Variants in E2F5 observed in about 807,000 individuals in gnomAD.
E2F5 encodes the protein E2F transcription factor 5.
Under a neutral mutation model 39.1 loss-of-function variants are expected in E2F5, and 23 were observed. The ratio of observed to expected loss-of-function variants is 0.59; its 90% CI spans 0.42 to 0.83. The LOEUF is 0.83. Among genes scored for constraint, E2F5 ranks in the 40% least tolerant of loss-of-function variants. The probability of loss-of-function intolerance (pLI) is 0.00; values close to 1 mark genes in which losing one functional copy is unlikely to be tolerated. For missense variants in E2F5, 365 were observed against 406.7 expected (o/e 0.90, Z 0.88); for synonymous variants, 145 against 157.8 (o/e 0.92, Z 0.61).
chr8:85,193,026 T>C (rs4150896), intron 1 of E2F5, among the ~76,000 whole-genome samples: 7,100 of 152,316 alleles, frequency 0.047, 213 homozygotes, highest in Non-Finnish European at 0.058. Context: ...CATTGAAGTG[T>C]TTGTTGGGTA....
At chr8:85,207,356 C>T (rs1812820844) in intron 4 of E2F5, 69 bp from the exon 5 acceptor site, 1 of 1,353,780 alleles carries the variant, frequency 7.4e-7, no homozygotes, top group Middle Eastern at 2.1e-4. Context: ...TTCCAGAGCC[C>T]ACATTCTTGC....
At position 85,203,486 on chromosome 8, in the gene E2F5, A is replaced by G. The variant is rs1812736252; in HGVS notation, c.506+231A>G. 2.0e-5 allele frequency among the ~76,000 whole-genome samples: 3 copies of G among 152,204 alleles called. No homozygotes were observed. In the South Asian group the frequency reaches 6.2e-4, roughly 32 times the overall value. On this transcript the variant is annotated intron_variant, in intron 3 of 7. Transcript: ENST00000416274. Reference sequence around the variant, plus strand: ...TTCCTGTGTTGCACTGAGGGGGAAAAAGAGATTAGCCAACTTTTGGTCTAC... The same window carrying G: ...TTCCTGTGTTGCACTGAGGGGGAAAGAGAGATTAGCCAACTTTTGGTCTAC...
At chr8:85,211,091 G>C (rs1423839163) in intron 6 of E2F5, among the ~76,000 whole-genome samples, 2 of 151,900 alleles carry the variant, frequency 1.3e-5, no homozygotes, top group Middle Eastern at 3.2e-3. Flanking sequence ...GAACATTAGG[G>C]CTAAAACAAG....
At chr8:85,199,214 A>G (rs1042329450) in intron 1 of E2F5, among the ~76,000 whole-genome samples, 1 of 151,918 alleles carries the variant, frequency 6.6e-6, no homozygotes, top group African/African-American at 2.4e-5. Context: ...CTCTCCTTGA[A>G]GAAGCTAAGC....
chr8:85,201,129 C>T (rs1812689594), intron 1 of E2F5, among the ~76,000 whole-genome samples: 1 of 152,166 alleles, frequency 6.6e-6, no homozygotes, highest in Non-Finnish European at 1.5e-5. Flanking sequence ...GGGGGGAAGG[C>T]AGGTCCAGAT....
intron 4 of E2F5, 132 bp from the exon 5 acceptor site, chr8:85,207,293 T>A (rs535148034): frequency 2.0e-5 from 13 of 649,564 alleles, no homozygotes; most frequent in Non-Finnish European, 2.6e-5. Context: ...TTTTATAGAA[T>A]TGAAAATCAA....
In E2F5 at chr8:85,206,230, A is replaced by G. The variant is rs1812800954; in HGVS notation, c.550+10A>G. 1 of 1,611,466 alleles carries G rather than the reference A, an allele frequency of 6.2e-7. No individual in the cohort carries two copies. The highest frequency in any genetic ancestry group is 8.5e-7 in the Non-Finnish European group (1 of 1,178,672). On this transcript the variant is annotated intron_variant, in intron 4 of 7. Transcript: ENST00000416274. ...TGTAATTGCTTTAATGGTAAGTACC[A>G]TTAGACTTTTCCTTGCATTCTTCCT...
At position 85,209,240 on chromosome 8, in the gene E2F5, C is replaced by A; in HGVS notation, c.714C>A (p.Pro238=). 1 of 1,613,968 alleles carries A rather than the reference C, an allele frequency of 6.2e-7. No individual in the cohort carries two copies. Among genetic ancestry groups the A allele is most frequent in the Non-Finnish European group, 8.5e-7 (1 of 1,179,886 alleles). Residue 238 remains proline (P), a synonymous_variant, in exon 6 of 8, where the codon CCC becomes CCA. Transcript: ENST00000416274. ...ATAAAGAGTCGAGTTCATCTAAGCC[C>A]GTGGTTTTTCCTGTTCCCCCACCTG... ...LINKESSSSK[P]VVFPVPPPDD...
chr8:85,190,151 T>A (rs978590610), intron 1 of E2F5, among the ~76,000 whole-genome samples: 1 of 152,298 alleles, frequency 6.6e-6, no homozygotes, highest in Middle Eastern at 3.4e-3. Context: ...TCACTGACTG[T>A]CTTTCAGCAC....
intron 7 of E2F5, chr8:85,212,686 C>G (rs1812962180): frequency 6.6e-6 from 1 of 152,460 alleles, no homozygotes; most frequent in Admixed American, 6.5e-5. Context: ...TTCTCTCCTT[C>G]TGTAAGTTCT....
At chr8:85,177,748 T>C in intron 1 of E2F5, 94 bp downstream of exon 1, 5 of 1,143,166 alleles carry the variant, frequency 4.4e-6, no homozygotes, top group Non-Finnish European at 5.4e-6. Context: ...CGGCGTGGTG[T>C]AGACGCGCCT....
chr8:85,180,941 A>G (rs1812200133), intron 1 of E2F5, among the ~76,000 whole-genome samples: 1 of 151,188 alleles, frequency 6.6e-6, no homozygotes, highest in African/African-American at 2.4e-5. Context: ...GCAGTGGTAC[A>G]ATCTCAGCTC....
chr8:85,211,687 T>C lies in E2F5; in HGVS notation c.884-470T>C, dbSNP rs1352138006. ...TTTTTTTTTTGGCAGGGTCTCACTT[T>C]GTCAGCCAGGCTGGAATGCAGTGGC... On this transcript the variant is annotated intron_variant, in intron 6 of 7. Coordinates refer to ENST00000416274, the MANE Select transcript of E2F5 (RefSeq NM_001951.4). Among the ~76,000 whole-genome samples, 5 of 147,030 alleles carry C rather than the reference T, an allele frequency of 3.4e-5. No homozygotes were observed. The East Asian group carries it at 5.9e-4, about 17-fold the overall frequency.
chr8:85,206,420 A>G (rs1312095991), intron 4 of E2F5, among the ~76,000 whole-genome samples, 200 bp downstream of exon 4: 1 of 152,174 alleles, frequency 6.6e-6, no homozygotes, highest in Non-Finnish European at 1.5e-5. Context: ...CATTCAGTTC[A>G]TTAGCTCCAC....
At chr8:85,203,974 A>G (rs1237473448) in intron 3 of E2F5, among the ~76,000 whole-genome samples, 1 of 151,776 alleles carries the variant, frequency 6.6e-6, no homozygotes, top group Non-Finnish European at 1.5e-5. Context: ...GTACTCTTAA[A>G]GAAACTAACC....
intron 1 of E2F5, among the ~76,000 whole-genome samples, chr8:85,199,206 C>G (rs1007053780): frequency 6.6e-6 from 1 of 152,030 alleles, no homozygotes; most frequent in Non-Finnish European, 1.5e-5. Flanking sequence ...CTGCCTGCCT[C>G]TCCTTGAAGA....
chr8:85,211,054 T>C (rs1013352869), intron 6 of E2F5, among the ~76,000 whole-genome samples: 4 of 151,952 alleles, frequency 2.6e-5, no homozygotes, highest in Admixed American at 6.6e-5. Context: ...ATGGAAACTG[T>C]AGATGTTTGC....
chr8:85,177,391 G>T lies in E2F5; in HGVS notation c.-30G>T. On this transcript the variant is annotated 5_prime_UTR_variant, in exon 1 of 8. Transcript: ENST00000416274. The stretch of plus-strand genomic sequence containing the variant: ...CGGGGCCGGCGAGCGAAAGTGCGCG[G>T]GGGCCCGACCACCGCGGGGCCGGGA... 1.0e-6 allele frequency: 1 copy of T among 987,176 alleles called. No homozygotes were observed. Among genetic ancestry groups the T allele is most frequent in the Non-Finnish European group, 1.2e-6 (1 of 832,034 alleles). The allele number at this position is 987,176 out of a possible 1,614,324, so 61.2% of individuals were successfully genotyped here. A position where few individuals can be genotyped will look rare whatever the true frequency, so the allele number is the denominator to read the frequency against.
In E2F5 at chr8:85,212,165, A is replaced by G. The variant is rs1383073135; in HGVS notation, c.892A>G (p.Ile298Val). The change falls in exon 7 of 8, where the codon ATT (isoleucine) becomes GTT (valine). Residue 298 changes from isoleucine to valine, a missense_variant. Physicochemically the swap from Ile to Val is conservative, Grantham distance 29 (BLOSUM62 3). Transcript: ENST00000416274. ...SATDISSAGS[I>V]SGDIIDELMS... The stretch of plus-strand genomic sequence containing the variant: ...TTTATTACTGTTTCCAGCAGGATCT[A>G]TTAGTGGAGATATCATTGATGAGTT... 5.0e-6 allele frequency: 8 copies of G among 1,610,386 alleles called. No individual in the cohort carries two copies. Among genetic ancestry groups the G allele is most frequent in the Non-Finnish European group, 5.1e-6 (6 of 1,178,012 alleles).
Sources: allele counts gnomAD v4.1 joint callset (sites outside exome capture counted in the v4.1 genomes callset), GRCh38; gene constraint gnomAD v4.1.1; transcripts MANE v1.5; gene names NCBI Gene and HGNC (gene_info 2026-07-23, HGNC 2026-07-21).